Variants in CTNNA2 observed in about 807,000 individuals in gnomAD.
CTNNA2 encodes catenin alpha 2, also known as catenin alpha-2.
In CTNNA2, 42 loss-of-function variants were observed where a neutral mutation model predicts 101.0. The ratio of observed to expected loss-of-function variants is 0.42; its 90% confidence interval spans 0.32 to 0.54. The LOEUF is 0.54. CTNNA2 is among the 20% of genes least tolerant of loss of function. The pLI is 0.14. For synonymous variants in CTNNA2, 450 were observed against 456.4 expected, an observed-to-expected ratio of 0.99 and a Z score of 0.18; for missense variants, 871 against 1,223.1, an observed-to-expected ratio of 0.71 and a Z score of 4.29.
chr2:80,369,709 T>C (rs775972236), intron 7 of CTNNA2, among the ~76,000 whole-genome samples: 23 of 152,086 alleles, frequency 1.5e-4, no homozygotes, highest in Non-Finnish European at 2.6e-4. Context: ...GTTTAATCAT[T>C]TGAGTCTTCA....
chr2:79,914,268 T>A (rs1042699062), intron 7 of CTNNA2, among the ~76,000 whole-genome samples: 2 of 152,238 alleles, frequency 1.3e-5, no homozygotes, highest in Admixed American at 6.5e-5. Context: ...AGAAAAATTT[T>A]GTTTCAACGT....
chr2:80,518,262 TATAATGGA>T (rs1376439889), intron 9 of CTNNA2, among the ~76,000 whole-genome samples: 3 of 152,208 alleles, frequency 2.0e-5, no homozygotes. Context: ...TGTGGAATGT[TATAATGGA>T]ATAATTGGAT....
chr2:79,443,903 ACTCTCTCT>A (rs3979544), intron 4 of CTNNA2, among the ~76,000 whole-genome samples: 10,023 of 141,838 alleles, frequency 0.071, 407 homozygotes, highest in African/African-American at 0.12. Context: ...TTGTATACAT[ACTCTCTCT>A]CTCTCTCTCT....
chr2:79,971,895 C>G (rs1372215568), intron 7 of CTNNA2, among the ~76,000 whole-genome samples: 2 of 152,170 alleles, frequency 1.3e-5, no homozygotes, highest in Non-Finnish European at 2.9e-5. Context: ...GGGGGTCTTA[C>G]AAGTTGGTTC....
At chr2:80,495,804 G>T (rs980639889) in intron 9 of CTNNA2, among the ~76,000 whole-genome samples, 1 of 151,988 alleles carries the variant, frequency 6.6e-6, no homozygotes, top group Non-Finnish European at 1.5e-5. Flanking sequence ...GCCGGGCATG[G>T]TGGCAGATGC....
At chr2:79,476,789 C>T (rs1558676672) in intron 4 of CTNNA2, among the ~76,000 whole-genome samples, 1 of 152,190 alleles carries the variant, frequency 6.6e-6, no homozygotes, top group Non-Finnish European at 1.5e-5. Context: ...CACTCGGTCT[C>T]TCGGCTACCT....
intron 2 of CTNNA2, among the ~76,000 whole-genome samples, chr2:79,299,213 A>T (rs776832790): frequency 6.6e-6 from 1 of 152,086 alleles, no homozygotes; most frequent in African/African-American, 2.4e-5. Flanking sequence ...GCCTGTCCTG[A>T]CAGCCCACCA....
intron 7 of CTNNA2, among the ~76,000 whole-genome samples, chr2:79,914,976 G>A (rs899232384): frequency 1.3e-5 from 2 of 151,890 alleles, no homozygotes; most frequent in East Asian, 3.9e-4. Flanking sequence ...TCCTGAAGGA[G>A]CCCACTTGTG....
chr2:79,515,142 C>A (rs1376747547), intron 1 of CTNNA2, among the ~76,000 whole-genome samples: 1 of 152,126 alleles, frequency 6.6e-6, no homozygotes, highest in Non-Finnish European at 1.5e-5. Flanking sequence ...GACTCTTCAG[C>A]CATGTAACTA....
intron 2 of CTNNA2, among the ~76,000 whole-genome samples, chr2:79,296,868 G>C (rs1460325642): frequency 6.6e-6 from 1 of 152,076 alleles, no homozygotes. Flanking sequence ...CCCACACCAA[G>C]TTTCTGCCTT....
intron 7 of CTNNA2, among the ~76,000 whole-genome samples, chr2:80,086,890 T>G (rs952353220): frequency 3.3e-5 from 5 of 151,996 alleles, no homozygotes; most frequent in Non-Finnish European, 5.9e-5. Context: ...AACATACCAC[T>G]GGGAGGCCGC....
intron 7 of CTNNA2, among the ~76,000 whole-genome samples, chr2:80,383,562 G>A (rs568416326): frequency 1.3e-5 from 2 of 152,286 alleles, no homozygotes; most frequent in Non-Finnish European, 2.9e-5. Context: ...GTGGTCAGAG[G>A]TGGGAGATTT....
Position 79,529,305 on chromosome 2 carries a change from G to A in CTNNA2, c.-6+16098G>A, listed in dbSNP as rs1160328517. Among the ~76,000 whole-genome samples, 3 of 152,148 alleles carry A rather than the reference G, an allele frequency of 2.0e-5. No individual in the cohort carries two copies. The East Asian group carries it at 5.8e-4, about 29-fold the overall frequency. ...AGATTCAGGACAAAGGCAAAGACAA[G>A]GCTAACCGTGAACGTTATCACATGT... On this transcript the variant is annotated intron_variant, in intron 1 of 18. Transcript: ENST00000402739.
Position 80,350,382 on chromosome 2 carries a change from A to G in CTNNA2, c.1057-42829A>G, listed in dbSNP as rs528355914. Among the ~76,000 whole-genome samples the G allele has an allele frequency of 3.3e-5, 5 of 152,296 alleles. No homozygotes were observed. In the East Asian group the frequency reaches 5.8e-4, roughly 18 times the overall value. On this transcript the variant is annotated intron_variant, in intron 7 of 18. Transcript: ENST00000402739. ...ATAGTTTCTTTAAAACTGTGCCATC[A>G]TTTAGATAGATGCCCGCTAATCATT...
At chr2:80,569,956 A>C (rs915488926) in intron 12 of CTNNA2, among the ~76,000 whole-genome samples, 6 of 151,912 alleles carry the variant, frequency 3.9e-5, no homozygotes, top group Admixed American at 1.3e-4. Flanking sequence ...TTTTTTAGAC[A>C]TTACCAAAGT....
intron 7 of CTNNA2, among the ~76,000 whole-genome samples, chr2:80,381,882 A>G (rs898309569): frequency 1.3e-5 from 2 of 151,734 alleles, no homozygotes; most frequent in African/African-American, 2.4e-5. Context: ...AAGCTTATCT[A>G]CTCCCACCAC....
intron 6 of CTNNA2, among the ~76,000 whole-genome samples, chr2:79,880,255 T>C (rs1683325076): frequency 6.6e-6 from 1 of 152,058 alleles, no homozygotes; most frequent in South Asian, 2.1e-4. Context: ...TGATGTTCCT[T>C]ATGGATATTG....
At chr2:80,173,941 A>AC (rs1705233943) in intron 7 of CTNNA2, among the ~76,000 whole-genome samples, 2 of 152,170 alleles carry the variant, frequency 1.3e-5, no homozygotes, top group African/African-American at 4.8e-5. Context: ...TCCCGCTCCA[A>AC]CACCCTCTAC....
chr2:79,976,494 CA>C (rs1182394456), intron 7 of CTNNA2, among the ~76,000 whole-genome samples: 1 of 152,184 alleles, frequency 6.6e-6, no homozygotes, highest in African/African-American at 2.4e-5. Context: ...GTGTCTTCTT[CA>C]GGCCTTTCCA....
Sources: gnomAD v4.1 joint callset for allele counts (sites outside exome capture counted in the v4.1 genomes callset) on GRCh38, gnomAD v4.1.1 for gene constraint, MANE v1.5 for transcripts, NCBI Gene and HGNC (gene_info 2026-07-23, HGNC 2026-07-21) for gene names.